OLAH: variants seen among roughly 807,000 people sequenced by gnomAD.
OLAH encodes oleoyl-ACP hydrolase, also known as S-acyl fatty acid synthase thioesterase, medium chain.
Under a neutral mutation model 27.8 loss-of-function variants are expected in OLAH, and 33 were observed. The observed-to-expected ratio is 1.19, with a 90% CI of 0.90 to 1.59. The LOEUF (loss-of-function observed/expected upper bound fraction) is 1.59. OLAH is among the 40% of genes most tolerant of loss of function. The pLI is 0.00. For synonymous variants in OLAH, 120 were observed against 102.9 expected, an observed-to-expected ratio of 1.17 and a Z score of -1.01; for missense variants, 359 against 310.8, an observed-to-expected ratio of 1.16 and a Z score of -1.17.
intron 3 of OLAH, among the ~76,000 whole-genome samples, chr10:15,050,152 G>C (rs975892560): frequency 2.6e-5 from 4 of 152,190 alleles, no homozygotes; most frequent in African/African-American, 9.6e-5. Flanking sequence ...GCGCAGTGGC[G>C]CACGCTTGTA....
chr10:15,054,517 TATTG>T (rs1471128986), intron 3 of OLAH, among the ~76,000 whole-genome samples: 1 of 152,166 alleles, frequency 6.6e-6, no homozygotes, highest in Non-Finnish European at 1.5e-5. Flanking sequence ...ATGAATTAAA[TATTG>T]ATTATTTTCC....
chr10:15,052,090 T>C (rs1713006024), intron 3 of OLAH, among the ~76,000 whole-genome samples: 1 of 152,092 alleles, frequency 6.6e-6, no homozygotes, highest in Non-Finnish European at 1.5e-5. Context: ...CAAGACTAGC[T>C]TGACCAACAT....
At chr10:15,036,431 AGG>A (rs1318505996) in intron 1 of OLAH, among the ~76,000 whole-genome samples, 2 of 152,024 alleles carry the variant, frequency 1.3e-5, no homozygotes, top group African/African-American at 2.4e-5. Context: ...TGGGAGGTGG[AGG>A]TTGCAGTGAG....
chr10:15,049,253 C>T (rs182483937), intron 2 of OLAH, among the ~76,000 whole-genome samples: 201 of 152,054 alleles, frequency 1.3e-3, no homozygotes, highest in African/African-American at 4.7e-3. Context: ...CCTGCCTCTG[C>T]CTCCCAAGTA....
At position 15,062,709 on chromosome 10, in the gene OLAH, T is replaced by C. The variant is rs115800248; in HGVS notation, c.302+847T>C. Among the ~76,000 whole-genome samples the C allele has an allele frequency of 4.7e-3, 721 of 152,174 alleles. 5 individuals are homozygous for C. Among genetic ancestry groups the C allele is most frequent in the African/African-American group, 0.017 (696 of 41,550 alleles). ...TGTGGATATGAGCTATTTCTATCTT[T>C]TTCTGTTATAAACAATAGTCCAGTG... is the stretch of plus-strand genomic sequence containing the variant. On this transcript the variant is annotated intron_variant, in intron 4 of 7. Coordinates refer to ENST00000378228, the MANE Select transcript of OLAH (RefSeq NM_001039702.3).
Position 15,071,794 on chromosome 10 carries a change from G to T in OLAH, c.573-1G>T, listed in dbSNP as rs1844591755. The T allele has an allele frequency of 6.2e-7, 1 of 1,609,504 alleles. No individual in the cohort carries two copies. Among genetic ancestry groups the T allele is most frequent in the Non-Finnish European group, 8.5e-7 (1 of 1,176,258 alleles). Reference sequence around the variant, plus strand: ...ACTAACCAGCTCTTTTATGTTTATAGCTCTAACGTACCATCTAAGGCTGTT... The same window carrying T: ...ACTAACCAGCTCTTTTATGTTTATATCTCTAACGTACCATCTAAGGCTGTT... On this transcript the variant is annotated splice_acceptor_variant, in intron 6 of 7. Coordinates refer to ENST00000378228, the MANE Select transcript of OLAH (RefSeq NM_001039702.3). LOFTEE classifies it high-confidence loss of function.
intron 1 of OLAH, among the ~76,000 whole-genome samples, chr10:15,044,311 C>T (rs1843973885): frequency 6.6e-6 from 1 of 151,996 alleles, no homozygotes; most frequent in Admixed American, 6.6e-5. Context: ...TAAGGGCTAG[C>T]CTGAGAAATT....
At chr10:15,070,325 C>T (rs1250655584) in intron 6 of OLAH, among the ~76,000 whole-genome samples, 1 of 152,088 alleles carries the variant, frequency 6.6e-6, no homozygotes, top group Non-Finnish European at 1.5e-5. Flanking sequence ...GGATAGAAGT[C>T]CAGTTTGATC....
At chr10:15,072,981 AAAGT>A in intron 7 of OLAH, 102 bp from the exon 8 acceptor site, 1 of 1,055,328 alleles carries the variant, frequency 9.5e-7, no homozygotes, top group African/African-American at 1.6e-5. Context: ...TAAGGCCTTG[AAAGT>A]AACCGTACTT....
intron 3 of OLAH, chr10:15,057,124 GCTTTAAAAGCAAGC>G: frequency 9.0e-7 from 1 of 1,110,664 alleles, no homozygotes; most frequent in Non-Finnish European, 1.2e-6. Flanking sequence ...TTTATGGCTT[GCTTTAAAAGCAAGC>G]CTAACCTAAC....
intron 1 of OLAH, among the ~76,000 whole-genome samples, chr10:15,037,045 C>T (rs950576713): frequency 3.3e-5 from 5 of 151,916 alleles, no homozygotes; most frequent in Non-Finnish European, 7.4e-5. Context: ...TGCCACAGCA[C>T]TCCAGCCTGG....
chr10:15,044,061 C>G (rs1843969457), intron 1 of OLAH, 75 bp downstream of exon 1: 1 of 152,086 alleles, frequency 6.6e-6, no homozygotes, highest in Admixed American at 6.6e-5. Context: ...TATGCACAGC[C>G]TATAGTTGGA....
At chr10:15,068,886 C>T (rs1022675550) in intron 6 of OLAH, among the ~76,000 whole-genome samples, 2 of 152,098 alleles carry the variant, frequency 1.3e-5, no homozygotes, top group Admixed American at 6.6e-5. Flanking sequence ...AGTGCACCAC[C>T]AGCTCTCAAA....
At chr10:15,060,514 A>G (rs1844342245) in intron 3 of OLAH, among the ~76,000 whole-genome samples, 1 of 150,620 alleles carries the variant, frequency 6.6e-6, no homozygotes, top group Admixed American at 6.7e-5. Context: ...GTTTAAGTTC[A>G]CTGATCTTTT....
Position 15,047,215 on chromosome 10 carries a change from T to G in OLAH, c.-74T>G. On this transcript the variant is annotated 5_prime_UTR_variant, in exon 2 of 8. Coordinates refer to ENST00000378228, the MANE Select transcript of OLAH (RefSeq NM_001039702.3). Reference sequence around the variant, plus strand: ...TAAGGCCGAGCAGAGGTTCTTCGTCTCAAGAGGAACTGACTTCTGTTGAGC... The same window carrying G: ...TAAGGCCGAGCAGAGGTTCTTCGTCGCAAGAGGAACTGACTTCTGTTGAGC... 1 of 1,517,256 alleles carries G rather than the reference T, an allele frequency of 6.6e-7. No homozygotes were observed. Among genetic ancestry groups the G allele is most frequent in the Non-Finnish European group, 9.0e-7 (1 of 1,105,298 alleles). The allele number at this position is 1,517,256 out of a possible 1,614,324, so 94.0% of individuals were successfully genotyped here.
chr10:15,043,942 C>A (rs1564526205), upstream of OLAH: 1 of 152,164 alleles, frequency 6.6e-6, no homozygotes, highest in Non-Finnish European at 1.5e-5. Flanking sequence ...CAAAGAAAGT[C>A]ATCTTTCAGA....
intron 3 of OLAH, chr10:15,056,945 CA>C: frequency 6.7e-7 from 1 of 1,501,338 alleles, no homozygotes; most frequent in Non-Finnish European, 8.9e-7. Flanking sequence ...CGTGCCTGGC[CA>C]AAATTCTTGG....
At chr10:15,063,259 T>A (rs1462839964) in intron 4 of OLAH, among the ~76,000 whole-genome samples, 1 of 152,080 alleles carries the variant, frequency 6.6e-6, no homozygotes, top group East Asian at 1.9e-4. Context: ...CCCAAGTAGC[T>A]GACTACAGGA....
chr10:15,044,771 C>A (rs1355964013), intron 1 of OLAH, among the ~76,000 whole-genome samples: 1 of 152,136 alleles, frequency 6.6e-6, no homozygotes, highest in South Asian at 2.1e-4. Context: ...CTATTCTCTT[C>A]CATGTTTTTG....
Sources: allele counts gnomAD v4.1 joint callset (sites outside exome capture counted in the v4.1 genomes callset), GRCh38; gene constraint gnomAD v4.1.1; transcripts MANE v1.5; gene names NCBI Gene and HGNC (gene_info 2026-07-23, HGNC 2026-07-21).